The following ZNF469 variants were observed in gnomAD, a reference collection of about 807,000 sequenced individuals.
The protein encoded by ZNF469 is zinc finger protein 469.
In ZNF469, 1 loss-of-function variant was observed where a neutral mutation model predicts 1.0. The ratio of observed to expected loss-of-function variants is 1.00; its 90% CI spans 0.35 to 4.73. The LOEUF (loss-of-function observed/expected upper bound fraction) is 4.73. Among genes scored for constraint, ZNF469 ranks in the 30% most tolerant of loss-of-function variants. ZNF469 has a pLI of 0.16. For synonymous variants in ZNF469, 2,703 were observed against 2,363.4 expected (o/e 1.14, Z -4.17); for missense variants, 6,100 against 5,356.3 (o/e 1.14, Z -4.33).
At chr16:88,176,210 C>G in the ZNF469 span, among the ~76,000 whole-genome samples, 1 of 150,120 alleles carries the variant, frequency 6.7e-6, no homozygotes, top group Non-Finnish European at 1.5e-5. Flanking sequence ...TACCAGACTG[C>G]ACGGAGCTCA....
rs1316947304 is a variant in ZNF469 at position 88,434,729 on chromosome 16, C to G, written c.7259C>G (p.Ser2420Cys). ...AGCAGCACAGCCAGTGACTTCCAGT[C>G]TGACTCCCCCCAAAGCCACAGAAAT... Reference protein sequence around the residue: ...APSSTASDFQSDSPQSHRNAS... With the variant: ...APSSTASDFQCDSPQSHRNAS... The change falls in exon 3 of 3, where the codon TCT (serine) becomes TGT (cysteine). Residue 2420 changes from serine (S) to cysteine (C), a missense_variant. Coordinates refer to ENST00000565624, the MANE Select transcript of ZNF469 (RefSeq NM_001367624.2). 6.4e-7 allele frequency: 1 copy of G among 1,550,420 alleles called. No individual in the cohort carries two copies. Among genetic ancestry groups the G allele is most frequent in the Admixed American group, 2.0e-5 (1 of 51,008 alleles).
chr16:88,434,959 C>G lies in ZNF469; in HGVS notation c.7489C>G (p.Pro2497Ala). The part of the protein sequence containing the change: ...LSRHKARKHR[P>A]HPGAPAEPSP... ...CCGGCACAAGGCCAGGAAGCACCGG[C>G]CACACCCGGGAGCCCCCGCGGAGCC... is the stretch of plus-strand genomic sequence containing the variant. Residue 2497 changes from proline to alanine, a missense_variant, in exon 3 of 3, where the codon CCA becomes GCA. Pro to Ala is a conservative substitution (Grantham distance 27, BLOSUM62 -1). Coordinates refer to ENST00000565624, the MANE Select transcript of ZNF469 (RefSeq NM_001367624.2). 1 of 1,549,914 alleles carries G rather than the reference C, an allele frequency of 6.5e-7. No individual in the cohort carries two copies. Among genetic ancestry groups the G allele is most frequent in the Non-Finnish European group, 8.7e-7 (1 of 1,146,868 alleles).
At chr16:88,198,265 G>A in the ZNF469 span, among the ~76,000 whole-genome samples, 1 of 152,180 alleles carries the variant, frequency 6.6e-6, no homozygotes, top group Non-Finnish European at 1.5e-5. Flanking sequence ...TGTGGGGAGG[G>A]GCTTCTGTCT....
chr16:88,402,997 A>T (rs1348728297), intron 1 of ZNF469, among the ~76,000 whole-genome samples: 2 of 152,232 alleles, frequency 1.3e-5, no homozygotes, highest in Non-Finnish European at 2.9e-5. Flanking sequence ...GCAAATGGCA[A>T]CACCCGCCGT....
At chr16:88,293,335 T>TGGAC in the ZNF469 span, among the ~76,000 whole-genome samples, 10 of 151,078 alleles carry the variant, frequency 6.6e-5, no homozygotes, top group African/African-American at 2.4e-4. Flanking sequence ...GATGGATGGA[T>TGGAC]GGATGGATGG....
Position 88,439,253 on chromosome 16 carries a change from A to C in ZNF469, c.11783A>C (p.Gln3928Pro), listed in dbSNP as rs988457783. The change falls in exon 3 of 3, where the codon CAG becomes CCG. Residue 3928 changes from glutamine (Q) to proline (P), a missense_variant. Transcript: ENST00000565624. ...CACACCCACCGGACGGCCGAGGCCC[A>C]GAGTGACCTCCTCAGCCAGCTCTTC... is the stretch of plus-strand genomic sequence containing the variant. The part of the protein sequence containing the change: ...EPHTHRTAEA[Q>P]SDLLSQLFGQ... 1.9e-6 allele frequency: 3 copies of C among 1,550,404 alleles called. No homozygotes were observed. Among genetic ancestry groups the C allele is most frequent in the East Asian group, 4.9e-5 (2 of 40,936 alleles).
the ZNF469 span, among the ~76,000 whole-genome samples, chr16:88,142,341 T>TCCTGGC: frequency 6.6e-6 from 1 of 152,194 alleles, no homozygotes; most frequent in East Asian, 1.9e-4. Flanking sequence ...GACCTTCACC[T>TCCTGGC]CCTGGCCCTG....
intron 1 of ZNF469, among the ~76,000 whole-genome samples, chr16:88,414,990 C>T (rs1905266888): frequency 6.6e-6 from 1 of 152,240 alleles, no homozygotes; most frequent in Non-Finnish European, 1.5e-5. Flanking sequence ...GCCCAGGTAG[C>T]CTCGAGGAGG....
the ZNF469 span, among the ~76,000 whole-genome samples, chr16:88,343,752 A>G: frequency 0.31 from 47,719 of 151,906 alleles, 7,575 homozygotes; most frequent in African/African-American, 0.38. Flanking sequence ...CCATGAATGG[A>G]TTAATCCATT....
At chr16:88,390,462 C>T (rs561579777) in intron 1 of ZNF469, among the ~76,000 whole-genome samples, 27 of 152,224 alleles carry the variant, frequency 1.8e-4, no homozygotes, top group African/African-American at 6.3e-4. Flanking sequence ...TCCAGCCAAA[C>T]AGGAGGCGGC....
the ZNF469 span, among the ~76,000 whole-genome samples, chr16:88,233,641 T>A: frequency 6.6e-6 from 1 of 152,142 alleles, no homozygotes; most frequent in African/African-American, 2.4e-5. Flanking sequence ...TGAAACAGGA[T>A]CCCAAAACCT....
At chr16:88,331,323 A>G in the ZNF469 span, among the ~76,000 whole-genome samples, 3 of 150,934 alleles carry the variant, frequency 2.0e-5, no homozygotes, top group Non-Finnish European at 2.9e-5. Context: ...CATTGTTACC[A>G]TGACCATCAC....
At chr16:88,149,231 C>G in the ZNF469 span, among the ~76,000 whole-genome samples, 21 of 152,236 alleles carry the variant, frequency 1.4e-4, no homozygotes, top group African/African-American at 5.1e-4. Context: ...TCTTTGTGCT[C>G]TTCCTGGAAA....
chr16:88,151,091 G>C, the ZNF469 span, among the ~76,000 whole-genome samples: 2 of 152,230 alleles, frequency 1.3e-5, no homozygotes, highest in South Asian at 2.1e-4. This position sits in a 1 kb window ranked among gnomAD's most constrained non-coding sequence, Gnocchi z 5.4. Flanking sequence ...AGCCCCACAG[G>C]GGGCAGCTTT....
At chr16:88,195,335 C>G in the ZNF469 span, 1 of 152,358 alleles carries the variant, frequency 6.6e-6, no homozygotes, top group South Asian at 2.1e-4. Flanking sequence ...TGACCTGCAG[C>G]CTCTGCACCG....
the ZNF469 span, among the ~76,000 whole-genome samples, chr16:88,350,884 C>T: frequency 5.1e-4 from 78 of 152,342 alleles, no homozygotes; most frequent in Admixed American, 1.3e-3. Flanking sequence ...CTGGAGCTTC[C>T]GGAAGGACCC....
chr16:88,313,721 G>A, the ZNF469 span, among the ~76,000 whole-genome samples: 3 of 152,234 alleles, frequency 2.0e-5, no homozygotes, highest in Non-Finnish European at 4.4e-5. Context: ...AGGCAGTGCT[G>A]GTGTGGACTG....
chr16:88,206,271 C>A, the ZNF469 span, among the ~76,000 whole-genome samples: 1 of 152,218 alleles, frequency 6.6e-6, no homozygotes, highest in Non-Finnish European at 1.5e-5. Context: ...TCTCCTGGGG[C>A]CCATCCTGGG....
At chr16:88,209,863 T>G in the ZNF469 span, among the ~76,000 whole-genome samples, 2 of 152,258 alleles carry the variant, frequency 1.3e-5, no homozygotes, top group African/African-American at 4.8e-5. Flanking sequence ...AATGTTGCAA[T>G]GAATAAACCT....
Sources: gnomAD v4.1 joint callset for allele counts (sites outside exome capture counted in the v4.1 genomes callset) on GRCh38, gnomAD v4.1.1 for gene constraint, Gnocchi (gnomAD v3.1) non-coding constraint, MANE v1.5 for transcripts, NCBI Gene and HGNC (gene_info 2026-07-23, HGNC 2026-07-21) for gene names.